CEP112: variants seen among roughly 807,000 people sequenced by gnomAD.
CEP112 encodes centrosomal protein 112, also known as centrosomal protein of 112 kDa.
CEP112 carries 127 observed loss-of-function variants against 153.0 expected under a neutral mutation model. That is an observed-to-expected ratio of 0.83 (90% CI 0.72 to 0.96). CEP112 has a LOEUF of 0.96. Ranked by LOEUF, CEP112 falls within the 40% of genes least tolerant of loss-of-function variation. The pLI, the probability that CEP112 is intolerant of heterozygous loss-of-function variation, is 0.00. For synonymous variants in CEP112, 358 were observed against 374.4 expected (o/e 0.96, Z 0.51); for missense variants, 1,089 against 1,101.2 (o/e 0.99, Z 0.16).
intron 23 of CEP112, among the ~76,000 whole-genome samples, chr17:65,727,483 A>C (rs1474581053): frequency 1.3e-5 from 2 of 152,204 alleles, no homozygotes; most frequent in Non-Finnish European, 2.9e-5. Flanking sequence ...GTTTTAAATC[A>C]ATCGCAAGTT....
chr17:65,746,613 T>C (rs759031468), intron 22 of CEP112, among the ~76,000 whole-genome samples: 6 of 152,008 alleles, frequency 3.9e-5, no homozygotes, highest in African/African-American at 7.2e-5. Flanking sequence ...TATAAGAAAA[T>C]GGACTACTTT....
Position 66,029,870 on chromosome 17 carries a change from T to G in CEP112, c.1372A>C (p.Arg458=). The change falls in exon 13 of 27, where the codon AGG becomes CGG. Residue 458 remains arginine (R), a splice_region_variant and synonymous_variant. Coordinates refer to ENST00000535342, the MANE Select transcript of CEP112 (RefSeq NM_001199165.4). ...TAAATATCTGATTTCAGACAATACCTTGCCTTTACTTCTTGTAATTCACTA... is the reference window on the plus strand; with the variant it reads ...TAAATATCTGATTTCAGACAATACCGTGCCTTTACTTCTTGTAATTCACTA... The part of the protein sequence containing the change: ...TCSELQEVKA[R]RNTLHKEKDH... 6.2e-7 allele frequency: 1 copy of G among 1,612,776 alleles called. No homozygotes were observed. Among genetic ancestry groups the G allele is most frequent in the Non-Finnish European group, 8.5e-7 (1 of 1,179,112 alleles).
intron 21 of CEP112, among the ~76,000 whole-genome samples, chr17:65,821,533 TATA>T (rs1485731722): frequency 2.7e-3 from 83 of 30,214 alleles, no homozygotes; most frequent in East Asian, 0.024. Context: ...TATATATATA[TATA>T]TATATTTTTT....
At chr17:65,669,137 C>G (rs2144011960) in intron 24 of CEP112, among the ~76,000 whole-genome samples, 1 of 152,194 alleles carries the variant, frequency 6.6e-6, no homozygotes, top group East Asian at 1.9e-4. Context: ...GCAGCTGGCC[C>G]TTCTCTCCTC....
intron 22 of CEP112, among the ~76,000 whole-genome samples, chr17:65,747,698 T>G (rs555096461): frequency 6.6e-6 from 1 of 152,116 alleles, no homozygotes; most frequent in South Asian, 2.1e-4. Flanking sequence ...TTTGGGGGCG[T>G]GCCCAGAGAT....
intron 4 of CEP112, among the ~76,000 whole-genome samples, chr17:66,164,640 A>G (rs148261834): frequency 0.034 from 5,127 of 151,238 alleles, 126 homozygotes; most frequent in Middle Eastern, 0.063. Context: ...TATGGATCAC[A>G]ACGTCAGGCA....
At chr17:65,795,556 A>G (rs1014136107) in intron 21 of CEP112, among the ~76,000 whole-genome samples, 4 of 152,186 alleles carry the variant, frequency 2.6e-5, no homozygotes, top group Non-Finnish European at 5.9e-5. Flanking sequence ...TCATGCCTGT[A>G]ATTCCAGCAG....
intron 20 of CEP112, among the ~76,000 whole-genome samples, chr17:65,887,195 T>C (rs1466429129): frequency 1.3e-5 from 2 of 152,126 alleles, no homozygotes; most frequent in African/African-American, 4.8e-5. Flanking sequence ...GTGAGACACA[T>C]TCGGGTTCAC....
intron 4 of CEP112, among the ~76,000 whole-genome samples, chr17:66,138,611 A>G (rs1468420254): frequency 2.0e-5 from 3 of 152,332 alleles, no homozygotes; most frequent in Middle Eastern, 3.4e-3. Context: ...ATGCAATCGA[A>G]GTTATCAGCT....
intron 20 of CEP112, among the ~76,000 whole-genome samples, chr17:65,874,658 G>T (rs2058765990): frequency 2.0e-5 from 3 of 152,084 alleles, no homozygotes; most frequent in South Asian, 4.2e-4. Context: ...GGATGTTCAA[G>T]ATTTATTATG....
intron 6 of CEP112, among the ~76,000 whole-genome samples, chr17:66,105,358 A>G (rs965932795): frequency 2.0e-5 from 3 of 152,236 alleles, no homozygotes; most frequent in African/African-American, 7.2e-5. Context: ...GAAGACAGGA[A>G]GGAAGGAAAA....
chr17:65,740,101 C>T (rs2051042433), intron 23 of CEP112, among the ~76,000 whole-genome samples: 1 of 152,106 alleles, frequency 6.6e-6, no homozygotes, highest in South Asian at 2.1e-4. Flanking sequence ...CAAAAATGAG[C>T]TCATATCTAT....
intron 17 of CEP112, among the ~76,000 whole-genome samples, chr17:65,979,632 CAGAAA>C (rs2063159168): frequency 6.6e-6 from 1 of 152,048 alleles, no homozygotes; most frequent in South Asian, 2.1e-4. Flanking sequence ...ATGTGCCTAC[CAGAAA>C]AGAATGTAAA....
At chr17:65,888,956 A>AGAATT (rs1398974066) in intron 20 of CEP112, among the ~76,000 whole-genome samples, 1 of 152,124 alleles carries the variant, frequency 6.6e-6, no homozygotes, top group Non-Finnish European at 1.5e-5. Flanking sequence ...TTTTCCTGTC[A>AGAATT]GAATTGAGTT....
intron 20 of CEP112, among the ~76,000 whole-genome samples, chr17:65,898,098 T>C (rs769250857): frequency 6.6e-6 from 1 of 152,188 alleles, no homozygotes; most frequent in Non-Finnish European, 1.5e-5. Context: ...TTATTTTCAG[T>C]TATTTTAAGT....
intron 16 of CEP112, among the ~76,000 whole-genome samples, chr17:66,018,306 A>AT (rs1168875542): frequency 5.9e-5 from 9 of 152,038 alleles, no homozygotes; most frequent in African/African-American, 1.7e-4. Context: ...CACTGAATAT[A>AT]TTTTTTTTGC....
At chr17:65,864,511 C>T (rs1184720264) in intron 20 of CEP112, among the ~76,000 whole-genome samples, 6 of 152,214 alleles carry the variant, frequency 3.9e-5, no homozygotes, top group Non-Finnish European at 8.8e-5. Flanking sequence ...CCTCGACATT[C>T]TTCAGCTGGT....
chr17:65,970,411 G>T (rs1159389370), intron 17 of CEP112, among the ~76,000 whole-genome samples: 3 of 95,952 alleles, frequency 3.1e-5, no homozygotes, highest in Non-Finnish European at 4.1e-5. Context: ...CACACATCAT[G>T]CATGTATATT....
intron 23 of CEP112, among the ~76,000 whole-genome samples, chr17:65,738,378 A>G (rs1017637480): frequency 6.6e-5 from 10 of 152,190 alleles, no homozygotes; most frequent in Non-Finnish European, 1.5e-4. Context: ...AGCCAAAATC[A>G]ACATGTTCTG....
Sources: allele counts gnomAD v4.1 joint callset (sites outside exome capture counted in the v4.1 genomes callset), GRCh38; gene constraint gnomAD v4.1.1; transcripts MANE v1.5; gene names NCBI Gene and HGNC (gene_info 2026-07-23, HGNC 2026-07-21).